The following ACO1 variants were observed in gnomAD, a reference collection of about 807,000 sequenced individuals.
ACO1 encodes cytoplasmic aconitate hydratase.
Under a neutral mutation model 105.1 loss-of-function variants are expected in ACO1, and 78 were observed. That is an observed-to-expected ratio of 0.74 (90% CI 0.62 to 0.90). The LOEUF is 0.90. Ranked by LOEUF, ACO1 falls within the 40% of genes least tolerant of loss-of-function variation. The pLI is 0.00. For synonymous variants in ACO1, 364 were observed against 397.4 expected (o/e 0.92, Z 1.00); for missense variants, 965 against 1,111.1 (o/e 0.87, Z 1.87).
chr9:32,436,443 C>T, intron 18 of ACO1, 46 bp downstream of exon 18: 1 of 1,601,296 alleles, frequency 6.2e-7, no homozygotes, highest in Non-Finnish European at 8.5e-7. Flanking sequence ...ATTTGTCAGC[C>T]TTGGTGGAGG....
intron 1 of ACO1, among the ~76,000 whole-genome samples, chr9:32,392,051 A>C (rs990210817): frequency 6.6e-6 from 1 of 152,238 alleles, no homozygotes; most frequent in African/African-American, 2.4e-5. Context: ...AAATTTTGCC[A>C]AAATCAAGGA....
Position 32,424,607 on chromosome 9 carries a change from A to C in ACO1, c.1130A>C (p.Gln377Pro). Residue 377 changes from glutamine to proline, a missense_variant, in exon 10 of 21, where the codon CAG (glutamine) becomes CCG (proline). Gln to Pro is a moderately conservative substitution (Grantham distance 76, BLOSUM62 -1). Transcript: ENST00000309951. The part of the protein sequence containing the change: ...VPCCSGPKRP[Q>P]DKVAVSDMKK... ...TGCTGTAGTGGACCCAAAAGGCCTCAGGACAAAGTTGCTGTGTCCGACATG... is the reference window on the plus strand; with the variant it reads ...TGCTGTAGTGGACCCAAAAGGCCTCCGGACAAAGTTGCTGTGTCCGACATG... The C allele has an allele frequency of 6.2e-7, 1 of 1,614,144 alleles. No individual in the cohort carries two copies. The highest frequency in any genetic ancestry group is 1.1e-5 in the South Asian group (1 of 91,078).
intron 11 of ACO1, among the ~76,000 whole-genome samples, 185 bp from the exon 12 acceptor site, chr9:32,427,116 G>C (rs1471264315): frequency 1.3e-5 from 2 of 151,922 alleles, no homozygotes; most frequent in African/African-American, 4.8e-5. Flanking sequence ...CTAAATGACC[G>C]TTGGCCAGGG....
Position 32,419,086 on chromosome 9 carries a change from G to T in ACO1, c.707G>T (p.Ser236Ile). 3 of 1,609,814 alleles carry T rather than the reference G, an allele frequency of 1.9e-6. No individual in the cohort carries two copies. The highest frequency in any genetic ancestry group is 2.2e-5 in the East Asian group (1 of 44,524). ...AEAVMLGQPI[S>I]MVLPQVIGYR... Reference sequence around the variant, plus strand: ...GCTGTCATGCTGGGTCAGCCAATCAGTATGGTGCTTCCTCAGGTGATTGGC... The same window carrying T: ...GCTGTCATGCTGGGTCAGCCAATCATTATGGTGCTTCCTCAGGTGATTGGC... The change falls in exon 7 of 21, where the codon AGT (serine) becomes ATT (isoleucine). Residue 236 changes from serine (S) to isoleucine (I), a missense_variant. Ser to Ile is a moderately radical substitution (Grantham distance 142). Coordinates refer to ENST00000309951, the MANE Select transcript of ACO1 (RefSeq NM_002197.3).
intron 19 of ACO1, among the ~76,000 whole-genome samples, chr9:32,442,549 C>G (rs1238522263): frequency 6.7e-6 from 1 of 150,324 alleles, no homozygotes; most frequent in Admixed American, 6.6e-5. Flanking sequence ...ATACTTTAAG[C>G]TTAATATCAA....
chr9:32,414,983 G>C (rs1057474466), intron 4 of ACO1, among the ~76,000 whole-genome samples: 2 of 152,084 alleles, frequency 1.3e-5, no homozygotes, highest in African/African-American at 2.4e-5. Flanking sequence ...TGGGGAGTCT[G>C]TGGGTTTTTC....
chr9:32,403,082 T>C (rs550144568), intron 1 of ACO1, among the ~76,000 whole-genome samples: 1 of 152,270 alleles, frequency 6.6e-6, no homozygotes, highest in African/African-American at 2.4e-5. Flanking sequence ...CTTTAGGGGC[T>C]AGTGGGTGAC....
chr9:32,431,743 T>C lies in ACO1; in HGVS notation c.1751T>C (p.Val584Ala). ...GGAGTAAATGCAAAGGGACAGCAGG[T>C]ATTTCTGAAAGATATCTGGCCGACT... ...PLGVNAKGQQ[V>A]FLKDIWPTRD... Residue 584 changes from valine (V) to alanine (A), a missense_variant, in exon 15 of 21, where the codon GTA becomes GCA. Val to Ala is a moderately conservative substitution (Grantham distance 64, BLOSUM62 0). Coordinates refer to ENST00000309951, the MANE Select transcript of ACO1 (RefSeq NM_002197.3). 1 of 1,614,072 alleles carries C rather than the reference T, an allele frequency of 6.2e-7. No individual in the cohort carries two copies.
At chr9:32,412,758 C>T (rs755291661) in intron 4 of ACO1, among the ~76,000 whole-genome samples, 1 of 152,054 alleles carries the variant, frequency 6.6e-6, no homozygotes, top group African/African-American at 2.4e-5. Flanking sequence ...AAAATATATG[C>T]GTAAAATGTT....
chr9:32,396,943 A>G (rs1339200996), intron 1 of ACO1, among the ~76,000 whole-genome samples: 14 of 152,222 alleles, frequency 9.2e-5, no homozygotes, highest in Non-Finnish European at 2.1e-4. Flanking sequence ...CAGAAAAGTT[A>G]TATGGCTAAT....
At chr9:32,414,881 T>C (rs927508816) in intron 4 of ACO1, among the ~76,000 whole-genome samples, 1 of 152,122 alleles carries the variant, frequency 6.6e-6, no homozygotes, top group South Asian at 2.1e-4. Context: ...AAACAGATTA[T>C]AGTTTAGAAG....
At chr9:32,384,984 C>A (rs918365498) in intron 1 of ACO1, among the ~76,000 whole-genome samples, 5 of 152,216 alleles carry the variant, frequency 3.3e-5, no homozygotes, top group Non-Finnish European at 5.9e-5. Context: ...TTTCCTAGAC[C>A]CTTCTTAGCC....
At chr9:32,421,977 A>G (rs1038676760) in intron 8 of ACO1, among the ~76,000 whole-genome samples, 2 of 152,224 alleles carry the variant, frequency 1.3e-5, no homozygotes, top group African/African-American at 4.8e-5. Flanking sequence ...GAAAAAGTTT[A>G]TTTAAAGAAG....
At chr9:32,404,262 C>T (rs1056343682) in intron 1 of ACO1, among the ~76,000 whole-genome samples, 2 of 152,140 alleles carry the variant, frequency 1.3e-5, no homozygotes, top group African/African-American at 4.8e-5. Context: ...TTTCTTCTCC[C>T]CATAGATTTC....
Position 32,453,198 on chromosome 9 carries a change from A to C in ACO1, c.*3087A>C, listed in dbSNP as rs897367434. On this transcript the variant is annotated 3_prime_UTR_variant, in exon 21 of 21. Coordinates refer to ENST00000309951, the MANE Select transcript of ACO1 (RefSeq NM_002197.3). The stretch of plus-strand genomic sequence containing the variant: ...TTCCTGGCATCCGCAGCAAGCTAAG[A>C]GTTAGTTAATATTTTTAATATAGCA... 6.7e-6 allele frequency: 1 copy of C among 149,624 alleles called. No individual in the cohort carries two copies. Among genetic ancestry groups the C allele is most frequent in the Admixed American group, 6.6e-5 (1 of 15,164 alleles). 9.3% of individuals were successfully genotyped at this position (149,624 alleles called of 1,614,324 possible).
At chr9:32,413,214 G>A (rs1215563816) in intron 4 of ACO1, among the ~76,000 whole-genome samples, 4 of 152,072 alleles carry the variant, frequency 2.6e-5, no homozygotes, top group East Asian at 1.9e-4. Context: ...TAGCCGGGGC[G>A]GTGGCTCGCC....
intron 1 of ACO1, among the ~76,000 whole-genome samples, chr9:32,404,627 C>T (rs1364006700): frequency 6.6e-6 from 1 of 152,220 alleles, no homozygotes; most frequent in African/African-American, 2.4e-5. Flanking sequence ...ATCACCCAGG[C>T]TCTTTAGTCC....
At chr9:32,432,868 T>TG (rs1822270042) in intron 15 of ACO1, among the ~76,000 whole-genome samples, 1 of 152,194 alleles carries the variant, frequency 6.6e-6, no homozygotes, top group Non-Finnish European at 1.5e-5. Flanking sequence ...AGGGTTCCAG[T>TG]AAGATGTCAT....
Position 32,408,549 on chromosome 9 carries a change from G to GT in ACO1, c.303dup (p.Asp102Ter), listed in dbSNP as rs866422191. 5.0e-6 allele frequency: 8 copies of GT among 1,614,148 alleles called. No individual in the cohort carries two copies. The highest frequency in any genetic ancestry group is 5.9e-6 in the Non-Finnish European group (7 of 1,180,012). ...GCTGTGGTTGACTTTGCTGCAATGC[G>GT]TGATGCTGTGAAAAAGTTAGGAGGA... On this transcript the variant is annotated frameshift_variant, in exon 4 of 21. Coordinates refer to ENST00000309951, the MANE Select transcript of ACO1 (RefSeq NM_002197.3). LOFTEE classifies it high-confidence loss of function.
Sources: gnomAD v4.1 joint callset for allele counts (sites outside exome capture counted in the v4.1 genomes callset) on GRCh38, gnomAD v4.1.1 for gene constraint, MANE v1.5 for transcripts, NCBI Gene and HGNC (gene_info 2026-07-23, HGNC 2026-07-21) for gene names.